SPIRE2: variants seen among roughly 807,000 people sequenced by gnomAD.
SPIRE2 encodes the protein spire type actin nucleation factor 2, also known as protein spire homolog 2.
Under a neutral mutation model 80.7 loss-of-function variants are expected in SPIRE2, and 76 were observed. The ratio of observed to expected loss-of-function variants is 0.94; its 90% CI spans 0.78 to 1.14. The LOEUF is 1.14. Ranked by LOEUF, SPIRE2 falls within the 50% of genes most tolerant of loss-of-function variation. The probability of loss-of-function intolerance (pLI) is 0.00; values close to 1 mark genes in which losing one functional copy is unlikely to be tolerated. For missense variants in SPIRE2, 1,196 were observed against 1,015.3 expected (o/e 1.18, Z -2.42); for synonymous variants, 535 against 432.6 (o/e 1.24, Z -2.94).
At chr16:89,841,439 G>A (rs531520446) in intron 1 of SPIRE2, among the ~76,000 whole-genome samples, 40 of 152,048 alleles carry the variant, frequency 2.6e-4, no homozygotes, top group Non-Finnish European at 4.0e-4. Flanking sequence ...ATGTGGCCAC[G>A]TTGGTGACGT....
At chr16:89,844,024 C>T (rs1454085457) in intron 1 of SPIRE2, among the ~76,000 whole-genome samples, 5 of 147,912 alleles carry the variant, frequency 3.4e-5, no homozygotes, top group Non-Finnish European at 6.0e-5. Context: ...GAGACAGGGT[C>T]TCACTCTGTC....
At position 89,858,387 on chromosome 16, in the gene SPIRE2, G is replaced by T. The variant is rs1033742929; in HGVS notation, c.1152G>T (p.Lys384Asn). ...CILNACSGDA[K>N]STSCINLSVT... ...TCAACGCCTGCTCCGGAGATGCCAA[G>T]TCCACCTCCTGCATCAACCTGTCAG... Residue 384 changes from lysine to asparagine, a missense_variant, in exon 8 of 15, where the codon AAG becomes AAT. Transcript: ENST00000378247. 1.2e-6 allele frequency: 2 copies of T among 1,611,984 alleles called. No homozygotes were observed. The highest frequency in any genetic ancestry group is 2.7e-5 in the African/African-American group (2 of 74,928).
chr16:89,839,929 C>T (rs1306240490), intron 1 of SPIRE2, among the ~76,000 whole-genome samples: 2 of 152,232 alleles, frequency 1.3e-5, no homozygotes, highest in East Asian at 1.9e-4. Context: ...TGTCTGCCAC[C>T]TGACTTGTTA....
chr16:89,865,044 G>GC (rs1307993087), intron 12 of SPIRE2, among the ~76,000 whole-genome samples: 1 of 147,196 alleles, frequency 6.8e-6, no homozygotes, highest in African/African-American at 2.5e-5. Flanking sequence ...TCTCGCTCTG[G>GC]CGCCCAGGCT....
chr16:89,870,096 C>T lies in SPIRE2; in HGVS notation c.1969C>T (p.His657Tyr). Residue 657 changes from histidine (H) to tyrosine (Y), a missense_variant, in exon 15 of 15, where the codon CAC (histidine) becomes TAC (tyrosine). Physicochemically the swap from His to Tyr is moderately conservative, Grantham distance 83 (BLOSUM62 2). Transcript: ENST00000378247. ...QWQSVEEAFP[H>Y]IYSHGCVLKD... ...GCAGAGCGTGGAGGAGGCGTTCCCC[C>T]ACATCTACTCCCACGGCTGTGTCCT... 6.2e-7 allele frequency: 1 copy of T among 1,613,594 alleles called. No homozygotes were observed. Among genetic ancestry groups the T allele is most frequent in the African/African-American group, 1.3e-5 (1 of 75,026 alleles).
intron 3 of SPIRE2, among the ~76,000 whole-genome samples, chr16:89,854,044 C>G (rs1056224601): frequency 6.6e-6 from 1 of 152,254 alleles, no homozygotes; most frequent in Non-Finnish European, 1.5e-5. Flanking sequence ...CATGGCCCAC[C>G]TGAGGAAATG....
In SPIRE2 at chr16:89,845,366, G is replaced by A. The variant is rs140624053; in HGVS notation, c.288+1G>A. The A allele has an allele frequency of 2.2e-4, 360 of 1,613,620 alleles. No homozygotes were observed. The highest frequency in any genetic ancestry group is 2.9e-4 in the Non-Finnish European group (337 of 1,179,644). On this transcript the variant is annotated splice_donor_variant, in intron 2 of 14. Transcript: ENST00000378247. LOFTEE classifies it high-confidence loss of function. ...GCCACTAGCCAGCTCGGAAGCCCAG[G>A]TACTTTTTAAAAAATTCCAAGTATT...
At chr16:89,852,128 A>G (rs1209901310) in intron 3 of SPIRE2, among the ~76,000 whole-genome samples, 2 of 34,332 alleles carry the variant, frequency 5.8e-5, no homozygotes, top group Non-Finnish European at 9.8e-5. Flanking sequence ...CCCATCTTCC[A>G]TCCTCCCCCC....
intron 12 of SPIRE2, among the ~76,000 whole-genome samples, chr16:89,865,848 G>C (rs1218797106): frequency 6.6e-6 from 1 of 151,088 alleles, no homozygotes; most frequent in Non-Finnish European, 1.5e-5. Flanking sequence ...GGTGCCTGTA[G>C]TCCCAGCTAC....
intron 6 of SPIRE2, 186 bp from the exon 7 acceptor site, chr16:89,855,927 C>T: frequency 8.8e-7 from 1 of 1,130,684 alleles, no homozygotes; most frequent in Non-Finnish European, 1.2e-6. Context: ...ACCCCAGGTG[C>T]ATGCGGAGCC....
intron 6 of SPIRE2, 99 bp downstream of exon 6, chr16:89,855,785 C>A: frequency 8.0e-7 from 1 of 1,245,390 alleles, no homozygotes; most frequent in Non-Finnish European, 1.1e-6. Flanking sequence ...CTGTGGCCAG[C>A]CTGGGAGGTG....
rs1441155764 is a variant in SPIRE2, at chr16:89,863,888, C to T, written c.1778+27C>T. On this transcript the variant is annotated intron_variant, in intron 12 of 14. Coordinates refer to ENST00000378247, the MANE Select transcript of SPIRE2 (RefSeq NM_032451.2). The surrounding 1 kb of genome is among the most constrained non-coding windows in gnomAD (Gnocchi z 4.3). Reference sequence around the variant, plus strand: ...TGAGCCTTCCCTTTAGCTGTCAGTTCACAAGGGAAGGAGGAGGCGAGAAAC... The same window carrying T: ...TGAGCCTTCCCTTTAGCTGTCAGTTTACAAGGGAAGGAGGAGGCGAGAAAC... The T allele has an allele frequency of 9.4e-6, 15 of 1,594,142 alleles. No homozygotes were observed. Among genetic ancestry groups the T allele is most frequent in the Non-Finnish European group, 1.2e-5 (14 of 1,165,600 alleles).
Position 89,855,598 on chromosome 16 carries a change from A to T in SPIRE2, c.892-2A>T. 1 of 1,612,306 alleles carries T rather than the reference A, an allele frequency of 6.2e-7. No individual in the cohort carries two copies. The highest frequency in any genetic ancestry group is 1.1e-5 in the South Asian group (1 of 91,032). The stretch of plus-strand genomic sequence containing the variant: ...GCCTCAGATCAGCCGTCCTCCCCGC[A>T]GGTGGATGGGGACATCCCGCCCCGG... On this transcript the variant is annotated splice_acceptor_variant, in intron 5 of 14. Transcript: ENST00000378247. LOFTEE classifies it high-confidence loss of function.
chr16:89,855,290 C>T (rs1393423175), intron 5 of SPIRE2, among the ~76,000 whole-genome samples: 5 of 152,122 alleles, frequency 3.3e-5, no homozygotes, highest in East Asian at 1.9e-4. Flanking sequence ...TAGGAGGCGC[C>T]GGCATGGTTC....
intron 1 of SPIRE2, among the ~76,000 whole-genome samples, chr16:89,843,922 A>G (rs375670436): frequency 6.8e-6 from 1 of 146,718 alleles, no homozygotes; most frequent in African/African-American, 2.5e-5. Flanking sequence ...GCTGGTCTCA[A>G]ACTCCTAATC....
intron 1 of SPIRE2, among the ~76,000 whole-genome samples, chr16:89,838,624 C>T (rs976658516): frequency 6.6e-6 from 1 of 152,196 alleles, no homozygotes; most frequent in Non-Finnish European, 1.5e-5. Flanking sequence ...AGGCCCCCAC[C>T]CTGAATTCTA....
chr16:89,844,308 A>G lies in SPIRE2; in HGVS notation c.245-1014A>G, dbSNP rs536563187. ...CTCAGTCTCCTGAGTAGCTGGGATTACAGGTGCTCTCCACTATGCCTGGCT... is the reference window on the plus strand; with the variant it reads ...CTCAGTCTCCTGAGTAGCTGGGATTGCAGGTGCTCTCCACTATGCCTGGCT... On this transcript the variant is annotated intron_variant, in intron 1 of 14. Transcript: ENST00000378247. Among the ~76,000 whole-genome samples, 27 of 152,180 alleles carry G rather than the reference A, an allele frequency of 1.8e-4. 1 individual carries two copies. The South Asian group carries it at 5.2e-3, about 29-fold the overall frequency.
In SPIRE2 at chr16:89,863,855, G is replaced by T; in HGVS notation, c.1772G>T (p.Cys591Phe). 2.5e-6 allele frequency: 4 copies of T among 1,613,414 alleles called. No homozygotes were observed. Among genetic ancestry groups the T allele is most frequent in the Non-Finnish European group, 3.4e-6 (4 of 1,179,604 alleles). The change falls in exon 12 of 15, where the codon TGC becomes TTC. Residue 591 changes from cysteine (C) to phenylalanine (F), a missense_variant. Cys to Phe is a radical substitution (Grantham distance 205). Transcript: ENST00000378247. The surrounding 1 kb of genome is among the most constrained non-coding windows in gnomAD (Gnocchi z 4.3). ...TCGTGGCCGCCCAGCTGTCTCTTCT[G>T]CAAGAGGTGAGCCTTCCCTTTAGCT... ...LFSWPPSCLFCKRAVCTSCSI... is the reference protein window; with the variant it reads ...LFSWPPSCLFFKRAVCTSCSI...
chr16:89,850,509 T>C lies in SPIRE2; in HGVS notation c.494T>C (p.Val165Ala), dbSNP rs1393486440. 2 of 1,524,334 alleles carry C rather than the reference T, an allele frequency of 1.3e-6. No homozygotes were observed. Among genetic ancestry groups the C allele is most frequent in the Admixed American group, 4.0e-5 (2 of 49,500 alleles). The allele number at this position is 1,524,334 out of a possible 1,614,324, so 94.4% of individuals were successfully genotyped here. Reference protein sequence around the residue: ...EEEAEGVPRSVRTFAQAMRLC... With the variant: ...EEEAEGVPRSARTFAQAMRLC... ...GAGGCCGAGGGCGTCCCCCGCAGCGTGCGCACCTTTGCCCAGGCCATGCGG... is the reference window on the plus strand; with the variant it reads ...GAGGCCGAGGGCGTCCCCCGCAGCGCGCGCACCTTTGCCCAGGCCATGCGG... The change falls in exon 3 of 15, where the codon GTG (valine) becomes GCG (alanine). Residue 165 changes from valine (V) to alanine (A), a missense_variant. Physicochemically the swap from Val to Ala is moderately conservative, Grantham distance 64. Transcript: ENST00000378247.
Sources: allele counts gnomAD v4.1 joint callset (sites outside exome capture counted in the v4.1 genomes callset), GRCh38; gene constraint gnomAD v4.1.1; non-coding constraint Gnocchi (gnomAD v3.1); transcripts MANE v1.5; gene names NCBI Gene and HGNC (gene_info 2026-07-23, HGNC 2026-07-21).